The following MACROD2 variants were observed in gnomAD, a reference collection of about 807,000 sequenced individuals.
MACROD2 encodes the protein mono-ADP ribosylhydrolase 2.
MACROD2 carries 36 observed loss-of-function variants against 70.4 expected under a neutral mutation model. The ratio of observed to expected loss-of-function variants is 0.51; its 90% CI spans 0.39 to 0.68. MACROD2 has a LOEUF of 0.68. Among genes scored for constraint, MACROD2 ranks in the 30% least tolerant of loss-of-function variants. The pLI is 0.00. For missense variants in MACROD2, 496 were observed against 538.4 expected, an observed-to-expected ratio of 0.92 and a Z score of 0.78; for synonymous variants, 172 against 178.8, an observed-to-expected ratio of 0.96 and a Z score of 0.30.
chr20:14,643,763 G>C (rs371137783), intron 4 of MACROD2, among the ~76,000 whole-genome samples: 1 of 152,154 alleles, frequency 6.6e-6, no homozygotes, highest in Admixed American at 6.6e-5. Flanking sequence ...CAAGGCACCT[G>C]TGGTGACTGT....
chr20:14,486,418 G>C (rs2084730997), intron 3 of MACROD2, among the ~76,000 whole-genome samples: 1 of 151,704 alleles, frequency 6.6e-6, no homozygotes, highest in African/African-American at 2.4e-5. Context: ...TTGATGTCAA[G>C]TACCTAGATC....
intron 4 of MACROD2, among the ~76,000 whole-genome samples, chr20:14,517,435 G>A (rs1222629384): frequency 6.6e-6 from 1 of 152,068 alleles, no homozygotes; most frequent in East Asian, 1.9e-4. Context: ...AGTAACACAG[G>A]AACAGAAAAC....
intron 6 of MACROD2, among the ~76,000 whole-genome samples, chr20:15,391,244 G>A (rs1270794006): frequency 6.6e-6 from 1 of 152,196 alleles, no homozygotes; most frequent in Non-Finnish European, 1.5e-5. Context: ...AGACAGTTTG[G>A]CACAAACATC....
intron 11 of MACROD2, among the ~76,000 whole-genome samples, chr20:15,934,421 G>A (rs1168529193): frequency 1.3e-5 from 2 of 152,144 alleles, no homozygotes; most frequent in East Asian, 1.9e-4. Flanking sequence ...TGGGTCGGCC[G>A]GCGTCCTTTG....
At chr20:15,200,026 T>C (rs1254255209) in intron 5 of MACROD2, among the ~76,000 whole-genome samples, 1 of 152,014 alleles carries the variant, frequency 6.6e-6, no homozygotes, top group Non-Finnish European at 1.5e-5. Context: ...ACTTAAACAT[T>C]TATTAGAGTA....
intron 5 of MACROD2, among the ~76,000 whole-genome samples, chr20:14,716,236 A>C (rs6079536): frequency 0.52 from 79,075 of 151,994 alleles, 21,012 homozygotes; most frequent in Non-Finnish European, 0.57. Flanking sequence ...GTGAGGTGGC[A>C]GTTGTCTTGG....
intron 5 of MACROD2, among the ~76,000 whole-genome samples, chr20:15,179,545 C>A (rs1171210171): frequency 6.6e-6 from 1 of 152,168 alleles, no homozygotes; most frequent in Non-Finnish European, 1.5e-5. Context: ...CACCCCCAGA[C>A]TGTTTTTACC....
At chr20:14,778,602 T>C (rs1248704629) in intron 5 of MACROD2, among the ~76,000 whole-genome samples, 1 of 152,102 alleles carries the variant, frequency 6.6e-6, no homozygotes, top group Non-Finnish European at 1.5e-5. Context: ...GGGGGCGTAA[T>C]CTTAGTGCAG....
rs34385323 is a variant in MACROD2, at chr20:14,037,644, T to TG, written c.163+35248dup. Among the ~76,000 whole-genome samples the TG allele has an allele frequency of 3.8e-4, 58 of 151,708 alleles. 1 individual carries two copies. The highest frequency in any genetic ancestry group is 1.7e-3 in the South Asian group (8 of 4,810). Reference sequence around the variant, plus strand: ...AACACGCCAACTGTGTGTGTGTTGGTGGGGGGGGTAGTTAGTAACCATGGA... The same window carrying TG: ...AACACGCCAACTGTGTGTGTGTTGGTGGGGGGGGGTAGTTAGTAACCATGGA... On this transcript the variant is annotated intron_variant, in intron 2 of 17. Coordinates refer to ENST00000684519, the MANE Select transcript of MACROD2 (RefSeq NM_001351661.2).
intron 4 of MACROD2, among the ~76,000 whole-genome samples, chr20:14,611,214 C>G (rs1247867701): frequency 1.3e-5 from 2 of 152,002 alleles, no homozygotes; most frequent in Admixed American, 6.6e-5. Context: ...CATTTTATAC[C>G]TGTGTTTCCT....
chr20:14,013,473 C>T (rs1357248422), intron 2 of MACROD2, among the ~76,000 whole-genome samples: 1 of 151,516 alleles, frequency 6.6e-6, no homozygotes, highest in Non-Finnish European at 1.5e-5. Context: ...GGGGTTTCAC[C>T]GTGTTAGCCA....
In MACROD2 at chr20:15,950,885, G is replaced by A. The variant is rs534270997; in HGVS notation, c.907+13341G>A. 3.3e-5 allele frequency among the ~76,000 whole-genome samples: 5 copies of A among 152,218 alleles called. No homozygotes were observed. In the East Asian group the frequency reaches 7.7e-4, roughly 24 times the overall value. On this transcript the variant is annotated intron_variant, in intron 12 of 17. Transcript: ENST00000684519. Reference sequence around the variant, plus strand: ...CTCAGGGGAGATGGAAGTATGGGGCGTTTCCCACGTTAATTAACTAAATGT... The same window carrying A: ...CTCAGGGGAGATGGAAGTATGGGGCATTTCCCACGTTAATTAACTAAATGT...
chr20:14,481,825 C>A (rs1298915647), intron 3 of MACROD2, among the ~76,000 whole-genome samples: 4 of 152,080 alleles, frequency 2.6e-5, no homozygotes, highest in Admixed American at 6.5e-5. Flanking sequence ...GTAAAATTCC[C>A]AATTTGCAAG....
intron 5 of MACROD2, among the ~76,000 whole-genome samples, chr20:14,705,020 T>C (rs1019854132): frequency 6.6e-6 from 1 of 152,032 alleles, no homozygotes; most frequent in Non-Finnish European, 1.5e-5. Flanking sequence ...CACATTCAGA[T>C]AGTAAAATGA....
chr20:14,222,468 T>C (rs2081684454), intron 3 of MACROD2, among the ~76,000 whole-genome samples: 1 of 152,028 alleles, frequency 6.6e-6, no homozygotes, highest in East Asian at 1.9e-4. Context: ...TAGAATGATA[T>C]GCAATGGACA....
chr20:15,840,471 G>A (rs1414225018), intron 8 of MACROD2, among the ~76,000 whole-genome samples: 3 of 152,080 alleles, frequency 2.0e-5, no homozygotes, highest in Non-Finnish European at 2.9e-5. Flanking sequence ...CTCAAAAATT[G>A]TTATCAATTC....
chr20:15,694,670 C>T (rs555539435), intron 8 of MACROD2, among the ~76,000 whole-genome samples: 1 of 152,162 alleles, frequency 6.6e-6, no homozygotes, highest in East Asian at 1.9e-4. Context: ...TGTGGATTGT[C>T]TGTTTACTCT....
intron 5 of MACROD2, among the ~76,000 whole-genome samples, chr20:14,764,905 G>A (rs367686211): frequency 8.5e-5 from 13 of 152,148 alleles, no homozygotes; most frequent in African/African-American, 2.9e-4. Context: ...TGATAGACAA[G>A]GAACCCAGGA....
chr20:14,342,740 C>A, intron 3 of MACROD2, among the ~76,000 whole-genome samples: 1 of 152,112 alleles, frequency 6.6e-6, no homozygotes, highest in Non-Finnish European at 1.5e-5. Context: ...TTAGTCAACA[C>A]TTAAAATGTA....
Sources: allele counts gnomAD v4.1 joint callset (sites outside exome capture counted in the v4.1 genomes callset), GRCh38; gene constraint gnomAD v4.1.1; transcripts MANE v1.5; gene names NCBI Gene and HGNC (gene_info 2026-07-23, HGNC 2026-07-21).